GALNT13: variants seen among roughly 807,000 people sequenced by gnomAD.
GALNT13 encodes polypeptide N-acetylgalactosaminyltransferase 13, also known as UDP-GalNAc:polypeptide N-acetylgalactosaminyltransferase 13.
GALNT13 carries 28 observed loss-of-function variants against 64.2 expected under a neutral mutation model. The ratio of observed to expected loss-of-function variants is 0.44; its 90% confidence interval spans 0.32 to 0.60. The LOEUF is 0.60. Ranked by LOEUF, GALNT13 falls within the 20% of genes least tolerant of loss-of-function variation. The probability of loss-of-function intolerance (pLI) is 0.05; values close to 1 mark genes in which losing one functional copy is unlikely to be tolerated. For missense variants in GALNT13, 577 were observed against 669.8 expected (o/e 0.86, Z 1.53); for synonymous variants, 214 against 224.6 (o/e 0.95, Z 0.42).
chr2:153,668,892 T>A, the GALNT13 span, among the ~76,000 whole-genome samples: 3 of 152,240 alleles, frequency 2.0e-5, no homozygotes, highest in Non-Finnish European at 2.9e-5. Flanking sequence ...GGGATACCTA[T>A]CCACCAAGTC....
chr2:153,767,181 C>T, the GALNT13 span, among the ~76,000 whole-genome samples: 9 of 152,098 alleles, frequency 5.9e-5, no homozygotes, highest in African/African-American at 1.4e-4. Context: ...TTTGCATCCA[C>T]TTATAAGTGA....
At chr2:153,073,246 G>T in the GALNT13 span, among the ~76,000 whole-genome samples, 279 of 151,970 alleles carry the variant, frequency 1.8e-3, no homozygotes, top group African/African-American at 6.4e-3. Context: ...GTGGGTTGTG[G>T]CTCCTCCTGT....
the GALNT13 span, among the ~76,000 whole-genome samples, chr2:153,791,874 G>T: frequency 6.6e-6 from 1 of 152,116 alleles, no homozygotes; most frequent in Non-Finnish European, 1.5e-5. Context: ...GCCAAATGAT[G>T]AGAACACATG....
intron 2 of GALNT13, among the ~76,000 whole-genome samples, chr2:153,943,138 T>C (rs1298025208): frequency 6.6e-6 from 1 of 152,180 alleles, no homozygotes; most frequent in Non-Finnish European, 1.5e-5. Context: ...TAAACAAATG[T>C]AGTAGTATAA....
At chr2:154,176,949 A>G (rs999047228) in intron 4 of GALNT13, among the ~76,000 whole-genome samples, 21 of 152,284 alleles carry the variant, frequency 1.4e-4, no homozygotes, top group Middle Eastern at 3.4e-3. Context: ...AGCATCTGCA[A>G]CTGCATGGGA....
intron 8 of GALNT13, among the ~76,000 whole-genome samples, chr2:154,298,720 T>TTGTA (rs1362353594): frequency 4.5e-5 from 4 of 88,084 alleles, no homozygotes; most frequent in Non-Finnish European, 6.5e-5. Flanking sequence ...TATATATAAA[T>TTGTA]TATATTATTT....
At chr2:153,255,942 G>A in the GALNT13 span, among the ~76,000 whole-genome samples, 10 of 152,064 alleles carry the variant, frequency 6.6e-5, no homozygotes, top group African/African-American at 2.4e-4. Flanking sequence ...ACAATTATGT[G>A]TCTTGGAGTT....
chr2:153,150,885 G>A, the GALNT13 span, among the ~76,000 whole-genome samples: 4 of 152,014 alleles, frequency 2.6e-5, no homozygotes, highest in Admixed American at 6.6e-5. Context: ...GCCTTGTAGT[G>A]TAGTTTGAAG....
the GALNT13 span, among the ~76,000 whole-genome samples, chr2:153,189,073 A>G: frequency 2.6e-5 from 4 of 152,194 alleles, no homozygotes; most frequent in Admixed American, 6.5e-5. Flanking sequence ...TATTACTTCT[A>G]TCTAACTATA....
chr2:153,408,433 G>T, the GALNT13 span, among the ~76,000 whole-genome samples: 1 of 151,920 alleles, frequency 6.6e-6, no homozygotes, highest in Non-Finnish European at 1.5e-5. Flanking sequence ...TAGAAGGAAG[G>T]AAGAGAGTAA....
chr2:153,489,739 A>C, the GALNT13 span, among the ~76,000 whole-genome samples: 1 of 152,210 alleles, frequency 6.6e-6, no homozygotes, highest in Admixed American at 6.5e-5. Context: ...GGTGTATACG[A>C]ATGGTTCCTA....
the GALNT13 span, among the ~76,000 whole-genome samples, chr2:153,648,374 A>G: frequency 8.5e-5 from 13 of 152,164 alleles, no homozygotes; most frequent in Non-Finnish European, 1.9e-4. Context: ...GGCTGAGACG[A>G]TGGCATTTTC....
chr2:154,056,548 G>A (rs2105357544), intron 3 of GALNT13, among the ~76,000 whole-genome samples: 1 of 152,164 alleles, frequency 6.6e-6, no homozygotes, highest in African/African-American at 2.4e-5. Flanking sequence ...TTAATTTTCA[G>A]TCTTTCTTCT....
At chr2:154,286,047 C>A (rs1299325535) in intron 8 of GALNT13, among the ~76,000 whole-genome samples, 1 of 152,066 alleles carries the variant, frequency 6.6e-6, no homozygotes, top group Non-Finnish European at 1.5e-5. Context: ...GATTTTGTGA[C>A]CTACAAATTT....
At chr2:153,146,764 C>T in the GALNT13 span, among the ~76,000 whole-genome samples, 3 of 151,882 alleles carry the variant, frequency 2.0e-5, no homozygotes, top group African/African-American at 4.8e-5. Context: ...GCCTAGATGG[C>T]CAGTCCACAG....
At chr2:153,451,121 T>A in the GALNT13 span, among the ~76,000 whole-genome samples, 1 of 152,162 alleles carries the variant, frequency 6.6e-6, no homozygotes, top group Non-Finnish European at 1.5e-5. Context: ...AATTAAGTAT[T>A]AATATACTAA....
the GALNT13 span, among the ~76,000 whole-genome samples, chr2:153,709,603 C>G: frequency 6.6e-6 from 1 of 151,880 alleles, no homozygotes; most frequent in African/African-American, 2.4e-5. Flanking sequence ...GAAACAAAAA[C>G]AAGAATTACC....
intron 7 of GALNT13, among the ~76,000 whole-genome samples, chr2:154,249,137 A>C (rs999832245): frequency 1.3e-5 from 2 of 152,118 alleles, no homozygotes; most frequent in African/African-American, 4.8e-5. Context: ...TGAGTTATGC[A>C]TTTTTTCCTA....
intron 7 of GALNT13, among the ~76,000 whole-genome samples, chr2:154,247,085 C>T (rs1292408210): frequency 1.3e-5 from 2 of 151,904 alleles, no homozygotes; most frequent in African/African-American, 4.8e-5. Flanking sequence ...AAGAGAATGG[C>T]TAAAGGTATT....
Sources: gnomAD v4.1 joint callset for allele counts (sites outside exome capture counted in the v4.1 genomes callset) on GRCh38, gnomAD v4.1.1 for gene constraint, MANE v1.5 for transcripts, NCBI Gene and HGNC (gene_info 2026-07-23, HGNC 2026-07-21) for gene names.